Variants in GSTCD observed in about 807,000 individuals in gnomAD.
The protein encoded by GSTCD is glutathione S-transferase C-terminal domain-containing protein.
GSTCD carries 44 observed loss-of-function variants against 68.3 expected under a neutral mutation model. That is an observed-to-expected ratio of 0.64 (90% CI 0.51 to 0.83). The LOEUF (loss-of-function observed/expected upper bound fraction) is 0.83. GSTCD is among the 40% of genes least tolerant of loss of function. The pLI, the probability that GSTCD is intolerant of heterozygous loss-of-function variation, is 0.00. For missense variants in GSTCD, 739 were observed against 735.9 expected (o/e 1.00, Z -0.05); for synonymous variants, 273 against 255.2 (o/e 1.07, Z -0.67).
At chr4:105,824,121 G>A (rs1723464078) in intron 7 of GSTCD, among the ~76,000 whole-genome samples, 1 of 151,988 alleles carries the variant, frequency 6.6e-6, no homozygotes, top group Non-Finnish European at 1.5e-5. Flanking sequence ...ACTAGTTATA[G>A]TGAATACTTG....
chr4:105,743,228 G>A (rs1239450756), intron 5 of GSTCD, among the ~76,000 whole-genome samples: 1 of 151,974 alleles, frequency 6.6e-6, no homozygotes, highest in African/African-American at 2.4e-5. Flanking sequence ...GGGATTACAG[G>A]CATGACCCAC....
chr4:105,840,659 C>T lies in GSTCD; in HGVS notation c.1696-1406C>T, dbSNP rs146003333. 2.6e-5 allele frequency among the ~76,000 whole-genome samples: 4 copies of T among 152,272 alleles called. No individual in the cohort carries two copies. In the East Asian group the frequency reaches 7.7e-4, roughly 29 times the overall value. ...GGATCATTGCTTCATTTCAACTCTG[C>T]CTAATCACTCACTTTTGGCTACATG... On this transcript the variant is annotated intron_variant, in intron 10 of 11. Transcript: ENST00000515279.
At chr4:105,839,940 T>C (rs1724271953) in intron 10 of GSTCD, among the ~76,000 whole-genome samples, 1 of 152,308 alleles carries the variant, frequency 6.6e-6, no homozygotes, top group South Asian at 2.1e-4. Flanking sequence ...TCATAACCTT[T>C]ATCTACTCTT....
At chr4:105,845,330 G>A in intron 11 of GSTCD, 111 bp from the exon 12 acceptor site, 1 of 1,119,710 alleles carries the variant, frequency 8.9e-7, no homozygotes, top group East Asian at 2.4e-5. Flanking sequence ...GGGGTACAAA[G>A]CATGCTCCAT....
At chr4:105,741,196 A>G (rs1389097818) in intron 5 of GSTCD, among the ~76,000 whole-genome samples, 2 of 151,650 alleles carry the variant, frequency 1.3e-5, no homozygotes, top group African/African-American at 2.4e-5. Context: ...GGTCATTTCT[A>G]TTCTGTTAAT....
chr4:105,779,212 G>A (rs970780195), intron 5 of GSTCD, among the ~76,000 whole-genome samples: 1 of 152,064 alleles, frequency 6.6e-6, no homozygotes, highest in Admixed American at 6.6e-5. Context: ...CACTTCCTCA[G>A]TCTTTCTTTG....
chr4:105,839,543 G>A (rs781142281), intron 10 of GSTCD, among the ~76,000 whole-genome samples: 23 of 152,176 alleles, frequency 1.5e-4, no homozygotes, highest in Non-Finnish European at 2.8e-4. Flanking sequence ...GCTGAAGCAC[G>A]AGAATTGATT....
At chr4:105,769,520 T>C (rs938540971) in intron 5 of GSTCD, among the ~76,000 whole-genome samples, 1 of 152,180 alleles carries the variant, frequency 6.6e-6, no homozygotes, top group East Asian at 1.9e-4. Context: ...AGTTTCTATT[T>C]TTAGATTATT....
intron 5 of GSTCD, among the ~76,000 whole-genome samples, chr4:105,735,994 G>A (rs1294671): frequency 0.93 from 142,052 of 152,232 alleles, 66,283 homozygotes; most frequent in East Asian, 0.97. Context: ...CATTTTCTCC[G>A]ATTGTTTAAA....
chr4:105,798,979 G>A (rs760948960), intron 5 of GSTCD, among the ~76,000 whole-genome samples: 8 of 152,160 alleles, frequency 5.3e-5, no homozygotes, highest in Non-Finnish European at 1.0e-4. Flanking sequence ...GTTCTTTAGT[G>A]GAGCCACCTC....
intron 5 of GSTCD, among the ~76,000 whole-genome samples, chr4:105,751,124 A>G (rs1470969263): frequency 3.9e-5 from 6 of 152,338 alleles, no homozygotes; most frequent in African/African-American, 1.4e-4. Flanking sequence ...TGTAGTTAAC[A>G]GTATTGCACT....
intron 1 of GSTCD, among the ~76,000 whole-genome samples, chr4:105,709,691 C>A (rs1290078466): frequency 6.6e-6 from 1 of 152,106 alleles, no homozygotes; most frequent in African/African-American, 2.4e-5. Context: ...TGCCAGGATC[C>A]CATTCCTTGT....
chr4:105,733,428 T>C (rs2149215286), intron 5 of GSTCD, among the ~76,000 whole-genome samples: 1 of 152,380 alleles, frequency 6.6e-6, no homozygotes, highest in Non-Finnish European at 1.5e-5. Flanking sequence ...AATTGATCCA[T>C]TTACCATTAT....
chr4:105,709,855 A>T (rs977359949), intron 1 of GSTCD, among the ~76,000 whole-genome samples: 1 of 152,236 alleles, frequency 6.6e-6, no homozygotes, highest in Non-Finnish European at 1.5e-5. Context: ...AGAACTAGTG[A>T]TGTGATAATT....
chr4:105,744,820 T>A (rs1456475970), intron 5 of GSTCD, among the ~76,000 whole-genome samples: 1 of 152,234 alleles, frequency 6.6e-6, no homozygotes, highest in East Asian at 1.9e-4. Context: ...GCAGTAAGTA[T>A]GCTCATTGTT....
intron 5 of GSTCD, among the ~76,000 whole-genome samples, chr4:105,737,124 A>G (rs1733489126): frequency 6.6e-6 from 1 of 152,148 alleles, no homozygotes; most frequent in Non-Finnish European, 1.5e-5. Context: ...GAATTGCTAG[A>G]TCCTATAGTA....
In GSTCD at chr4:105,740,368, C is replaced by A. The variant is rs184717863; in HGVS notation, c.1240+10869C>A. ...CACGGGGAGAGTTCCTCCTAATTCCCATCTGATCCCTGCTGGGGAATGGGC... is the reference window on the plus strand; with the variant it reads ...CACGGGGAGAGTTCCTCCTAATTCCAATCTGATCCCTGCTGGGGAATGGGC... On this transcript the variant is annotated intron_variant, in intron 5 of 11. Transcript: ENST00000515279. Among the ~76,000 whole-genome samples, 71 of 152,142 alleles carry A rather than the reference C, an allele frequency of 4.7e-4. 1 individual carries two copies. The highest frequency in any genetic ancestry group is 3.4e-3 in the Middle Eastern group (1 of 294).
At chr4:105,735,899 G>T (rs1440449025) in intron 5 of GSTCD, among the ~76,000 whole-genome samples, 1 of 151,396 alleles carries the variant, frequency 6.6e-6, no homozygotes, top group African/African-American at 2.4e-5. Flanking sequence ...TAAAAATATC[G>T]ATATCTTAAA....
chr4:105,806,391 A>G (rs1722497035), intron 5 of GSTCD, among the ~76,000 whole-genome samples: 1 of 152,096 alleles, frequency 6.6e-6, no homozygotes, highest in Non-Finnish European at 1.5e-5. Context: ...GGTTCTTAGC[A>G]TAGTACTGCC....
Sources: allele counts gnomAD v4.1 joint callset (sites outside exome capture counted in the v4.1 genomes callset), GRCh38; gene constraint gnomAD v4.1.1; transcripts MANE v1.5; gene names NCBI Gene and HGNC (gene_info 2026-07-23, HGNC 2026-07-21).